The following PHACTR1 variants were observed in gnomAD, a reference collection of about 807,000 sequenced individuals.
The protein encoded by PHACTR1 is RPEL repeat containing 1.
PHACTR1 carries 16 observed loss-of-function variants against 69.2 expected under a neutral mutation model. That is an observed-to-expected ratio of 0.23 (90% CI 0.16 to 0.35). The LOEUF (loss-of-function observed/expected upper bound fraction) is 0.35. Among genes scored for constraint, PHACTR1 ranks in the 10% least tolerant of loss-of-function variants. The probability of loss-of-function intolerance (pLI) is 1.00; values close to 1 mark genes in which losing one functional copy is unlikely to be tolerated. For synonymous variants in PHACTR1, 312 were observed against 284.5 expected, an observed-to-expected ratio of 1.10 and a Z score of -0.97; for missense variants, 510 against 734.7, an observed-to-expected ratio of 0.69 and a Z score of 3.54.
intron 10 of PHACTR1, among the ~76,000 whole-genome samples, chr6:13,264,520 G>A (rs1349289543): frequency 6.6e-6 from 1 of 152,090 alleles, no homozygotes; most frequent in Non-Finnish European, 1.5e-5. Flanking sequence ...AGGAGTTCGA[G>A]ACCAGCCTGG....
At position 13,057,613 on chromosome 6, in the gene PHACTR1, G is replaced by A. The variant is rs528695608; in HGVS notation, c.415+4084G>A. ...TGTCTCTTTGTAATTAAATTTCTGG[G>A]TGTACCTTTATACAAGGAATAAATT... On this transcript the variant is annotated intron_variant, in intron 5 of 14. Transcript: ENST00000332995. Among the ~76,000 whole-genome samples the A allele has an allele frequency of 5.3e-5, 8 of 152,228 alleles. No homozygotes were observed. The South Asian group carries it at 1.5e-3, about 28-fold the overall frequency.
At chr6:13,187,807 A>C (rs778619452) in intron 7 of PHACTR1, among the ~76,000 whole-genome samples, 1 of 152,264 alleles carries the variant, frequency 6.6e-6, no homozygotes, top group Non-Finnish European at 1.5e-5. Context: ...CCAGTCATTG[A>C]AATATGAGCT....
intron 4 of PHACTR1, among the ~76,000 whole-genome samples, chr6:12,786,864 G>T (rs1400283653): frequency 1.3e-5 from 2 of 152,110 alleles, no homozygotes; most frequent in Non-Finnish European, 2.9e-5. Context: ...CATAACTCCT[G>T]GTTAAATCAC....
At chr6:13,286,114 A>T in intron 13 of PHACTR1, 32 bp from the exon 14 acceptor site, 2 of 1,568,194 alleles carry the variant, frequency 1.3e-6, no homozygotes, top group Non-Finnish European at 1.7e-6. Flanking sequence ...TCTCTCTCCC[A>T]TTGCACATTG....
At chr6:12,766,326 A>G (rs1448196609) in intron 4 of PHACTR1, among the ~76,000 whole-genome samples, 1 of 152,254 alleles carries the variant, frequency 6.6e-6, no homozygotes, top group Non-Finnish European at 1.5e-5. Flanking sequence ...AGAATTGAGC[A>G]GAAAGAAAGC....
intron 7 of PHACTR1, among the ~76,000 whole-genome samples, chr6:13,194,280 G>A (rs1223561): frequency 0.036 from 5,463 of 152,024 alleles, 290 homozygotes; most frequent in African/African-American, 0.12. Context: ...GCGCGTGCCT[G>A]TAGTCCCAGC....
intron 4 of PHACTR1, among the ~76,000 whole-genome samples, chr6:13,036,699 C>T (rs1291528877): frequency 6.6e-6 from 1 of 152,200 alleles, no homozygotes; most frequent in Non-Finnish European, 1.5e-5. Context: ...AGAAAATTCT[C>T]CACATGGTAT....
At chr6:12,915,666 A>G (rs923596466) in intron 4 of PHACTR1, among the ~76,000 whole-genome samples, 39 of 152,296 alleles carry the variant, frequency 2.6e-4, no homozygotes, top group East Asian at 7.7e-4. Flanking sequence ...GAGCTGAGCT[A>G]TAATAAATCT....
At chr6:13,003,101 T>C (rs1342753273) in intron 4 of PHACTR1, among the ~76,000 whole-genome samples, 2 of 152,196 alleles carry the variant, frequency 1.3e-5, no homozygotes, top group Non-Finnish European at 2.9e-5. Flanking sequence ...CCCTGATATA[T>C]TGCCAATTTG....
intron 7 of PHACTR1, among the ~76,000 whole-genome samples, chr6:13,189,397 C>T (rs757629046): frequency 2.0e-5 from 3 of 151,936 alleles, no homozygotes; most frequent in African/African-American, 4.8e-5. Context: ...TCCCACCCCC[C>T]CTTTTTTTTT....
intron 5 of PHACTR1, among the ~76,000 whole-genome samples, chr6:13,146,154 A>G (rs2113393816): frequency 6.6e-6 from 1 of 152,320 alleles, no homozygotes; most frequent in South Asian, 2.1e-4. Flanking sequence ...TCGTGTGGAT[A>G]ATAGTGCCAA....
intron 8 of PHACTR1, among the ~76,000 whole-genome samples, chr6:13,224,699 T>A (rs1769297613): frequency 6.6e-6 from 1 of 152,208 alleles, no homozygotes; most frequent in African/African-American, 2.4e-5. Flanking sequence ...GATTTGGTTC[T>A]TTGCCTCAAA....
chr6:12,746,082 A>C (rs1475257738), intron 3 of PHACTR1, among the ~76,000 whole-genome samples: 1 of 152,238 alleles, frequency 6.6e-6, no homozygotes, highest in Non-Finnish European at 1.5e-5. Context: ...GATACATGAA[A>C]AGGGACTGAC....
At chr6:13,270,930 GAGA>G (rs1777565973) in intron 10 of PHACTR1, among the ~76,000 whole-genome samples, 1 of 152,026 alleles carries the variant, frequency 6.6e-6, no homozygotes, top group Non-Finnish European at 1.5e-5. Flanking sequence ...GAAGGTGAAG[GAGA>G]AGAAGGCACA....
chr6:12,954,837 G>A (rs971524063), intron 4 of PHACTR1, among the ~76,000 whole-genome samples: 1 of 152,142 alleles, frequency 6.6e-6, no homozygotes, highest in Admixed American at 6.5e-5. Context: ...TGCAAGTAGG[G>A]ATAGACAAAT....
chr6:13,237,417 C>T (rs1772163653), intron 10 of PHACTR1, among the ~76,000 whole-genome samples: 1 of 152,134 alleles, frequency 6.6e-6, no homozygotes, highest in Non-Finnish European at 1.5e-5. Context: ...TATTTGTGGA[C>T]TGAATTCAGC....
chr6:13,109,425 A>AT (rs540907024), intron 5 of PHACTR1, among the ~76,000 whole-genome samples: 3,642 of 151,216 alleles, frequency 0.024, 53 homozygotes, highest in Middle Eastern at 0.034. Context: ...ATTATAGGTG[A>AT]TTTTTTTTTC....
chr6:12,921,162 T>C (rs1269011131), intron 4 of PHACTR1, among the ~76,000 whole-genome samples: 1 of 152,210 alleles, frequency 6.6e-6, no homozygotes, highest in African/African-American at 2.4e-5. Context: ...CCTAAGCTTG[T>C]CACTTGCTTC....
chr6:13,056,059 A>G (rs1307338801), intron 5 of PHACTR1, among the ~76,000 whole-genome samples: 3 of 152,232 alleles, frequency 2.0e-5, no homozygotes, highest in African/African-American at 2.4e-5. Flanking sequence ...ACTACAGTAT[A>G]TCTTTATATC....
Sources: allele counts gnomAD v4.1 joint callset (sites outside exome capture counted in the v4.1 genomes callset), GRCh38; gene constraint gnomAD v4.1.1; transcripts MANE v1.5; gene names NCBI Gene and HGNC (gene_info 2026-07-23, HGNC 2026-07-21).